The following ITSN2 variants were observed in gnomAD, a reference collection of about 807,000 sequenced individuals.
The protein encoded by ITSN2 is intersectin-2.
ITSN2 carries 156 observed loss-of-function variants against 243.7 expected under a neutral mutation model. That is an observed-to-expected ratio of 0.64 (90% confidence interval 0.56 to 0.73). The LOEUF (loss-of-function observed/expected upper bound fraction) is 0.73, where lower values mean the gene tolerates loss of function less well. ITSN2 is among the 30% of genes least tolerant of loss of function. ITSN2 has a pLI of 0.00. For missense variants in ITSN2, 1,801 were observed against 1,996.1 expected, an observed-to-expected ratio of 0.90 and a Z score of 1.86; for synonymous variants, 703 against 699.9, an observed-to-expected ratio of 1.00 and a Z score of -0.07.
In ITSN2 at chr2:24,303,863, C is replaced by A; in HGVS notation, c.794-1G>T. Reference sequence around the variant, plus strand: ...AGAAGGGCATTTCTAGCTTGAAAACCTGATTAAGTGGGGAAAATCATAAAG... The same window carrying A: ...AGAAGGGCATTTCTAGCTTGAAAACATGATTAAGTGGGGAAAATCATAAAG... On this transcript the variant is annotated splice_acceptor_variant, in intron 8 of 39. Coordinates refer to ENST00000355123, the MANE Select transcript of ITSN2 (RefSeq NM_006277.3). LOFTEE classifies it high-confidence loss of function. The A allele has an allele frequency of 6.3e-7, 1 of 1,598,442 alleles. No individual in the cohort carries two copies. The highest frequency in any genetic ancestry group is 8.6e-7 in the Non-Finnish European group (1 of 1,165,824).
Position 24,254,356 on chromosome 2 carries a change from C to T in ITSN2, c.2953+11G>A. 2.5e-6 allele frequency: 4 copies of T among 1,602,492 alleles called. No individual in the cohort carries two copies. Among genetic ancestry groups the T allele is most frequent in the Non-Finnish European group, 3.4e-6 (4 of 1,170,026 alleles). On this transcript the variant is annotated intron_variant, in intron 24 of 39. Transcript: ENST00000355123. The stretch of plus-strand genomic sequence containing the variant: ...GATTACCATCTAATTTACAAATTGC[C>T]AAAAGCTTACCTTCTCCAACTGAAT...
chr2:24,300,109 G>T lies in ITSN2; in HGVS notation c.1144C>A (p.Arg382Ser). Residue 382 changes from arginine (R) to serine (S), a missense_variant, in exon 12 of 40, where the codon CGC becomes AGC. This residue lies in a region of ITSN2 where 787 missense variants were observed against 803.9 expected (regional missense o/e 0.98). Coordinates refer to ENST00000355123, the MANE Select transcript of ITSN2 (RefSeq NM_006277.3). The stretch of plus-strand genomic sequence containing the variant: ...TGTTGCTGCTCCATCAAGGCTTGGC[G>T]TCGCTTTTCCAGCTCCATGTTCCCT... ...ERGNMELEKR[R>S]QALMEQQQRE... 1 of 1,614,074 alleles carries T rather than the reference G, an allele frequency of 6.2e-7. No individual in the cohort carries two copies. The highest frequency in any genetic ancestry group is 8.5e-7 in the Non-Finnish European group (1 of 1,180,020).
intron 17 of ITSN2, among the ~76,000 whole-genome samples, chr2:24,282,614 C>T (rs747897904): frequency 1.1e-4 from 17 of 152,160 alleles, no homozygotes; most frequent in Non-Finnish European, 2.5e-4. Flanking sequence ...CCCACTGGGG[C>T]TTCAGCTGTA....
At chr2:24,251,309 CA>C (rs1553355845) in intron 25 of ITSN2, among the ~76,000 whole-genome samples, 1 of 22,016 alleles carries the variant, frequency 4.5e-5, no homozygotes, top group African/African-American at 2.9e-4. Flanking sequence ...AACTCCATCT[CA>C]AAAAAAAAAA....
At chr2:24,296,685 C>A (rs919929845) in intron 13 of ITSN2, among the ~76,000 whole-genome samples, 2 of 152,166 alleles carry the variant, frequency 1.3e-5, no homozygotes, top group African/African-American at 4.8e-5. Context: ...ATCTTAGGAG[C>A]TGTGAAAAAA....
chr2:24,350,366 T>C (rs903451788), intron 1 of ITSN2, among the ~76,000 whole-genome samples: 1 of 152,190 alleles, frequency 6.6e-6, no homozygotes, highest in African/African-American at 2.4e-5. Context: ...CCCACATACA[T>C]TGCTGGTGGG....
chr2:24,245,041 A>C (rs1673169196), intron 29 of ITSN2, among the ~76,000 whole-genome samples: 1 of 152,232 alleles, frequency 6.6e-6, no homozygotes, highest in African/African-American at 2.4e-5. Flanking sequence ...ATATCATGAG[A>C]TATTTTAAAA....
chr2:24,228,699 C>T (rs1002816041), intron 29 of ITSN2, among the ~76,000 whole-genome samples: 2 of 152,048 alleles, frequency 1.3e-5, no homozygotes, highest in African/African-American at 4.8e-5. Context: ...ATAAAAGAAA[C>T]AAAGAAACTT....
chr2:24,243,951 G>C (rs1291516919), intron 29 of ITSN2, among the ~76,000 whole-genome samples: 1 of 152,176 alleles, frequency 6.6e-6, no homozygotes, highest in Non-Finnish European at 1.5e-5. Context: ...TTGGAGAGTG[G>C]AGATATAGAC....
At chr2:24,313,164 G>A (rs1457513015) in intron 4 of ITSN2, among the ~76,000 whole-genome samples, 1 of 146,826 alleles carries the variant, frequency 6.8e-6, no homozygotes, top group Non-Finnish European at 1.5e-5. Flanking sequence ...GTTCACTGCA[G>A]CACTGAATTC....
At chr2:24,286,080 T>C in intron 16 of ITSN2, 132 bp downstream of exon 16, 1 of 591,588 alleles carries the variant, frequency 1.7e-6, no homozygotes, top group Non-Finnish European at 2.9e-6. Flanking sequence ...GAAATTCTTG[T>C]ATAGTTGAAA....
intron 1 of ITSN2, among the ~76,000 whole-genome samples, chr2:24,354,039 T>G (rs926912065): frequency 2.0e-5 from 3 of 152,266 alleles, no homozygotes; most frequent in African/African-American, 7.2e-5. Flanking sequence ...TACATTTTGA[T>G]ATAAATGTGC....
intron 14 of ITSN2, among the ~76,000 whole-genome samples, chr2:24,294,582 C>T (rs941121542): frequency 1.3e-5 from 2 of 152,086 alleles, no homozygotes; most frequent in East Asian, 3.9e-4. Context: ...AGAATGCTTC[C>T]ACAGCCCCAT....
At chr2:24,334,252 T>G (rs1412319409) in intron 1 of ITSN2, among the ~76,000 whole-genome samples, 1 of 152,000 alleles carries the variant, frequency 6.6e-6, no homozygotes, top group Non-Finnish European at 1.5e-5. Context: ...AGAGAGGAGG[T>G]TTCGCCATGT....
At chr2:24,360,766 C>T (rs912927623), upstream of ITSN2, 1 of 152,924 alleles carries the variant, frequency 6.5e-6, no homozygotes, top group Non-Finnish European at 1.5e-5. Context: ...GGCAGCCCTT[C>T]CTGGAGTTGC....
At chr2:24,334,906 AC>A (rs1686183719) in intron 1 of ITSN2, 2 of 436,582 alleles carry the variant, frequency 4.6e-6, no homozygotes, top group Admixed American at 3.5e-5. Context: ...TACTAAAAAT[AC>A]AAAAAATTAG....
chr2:24,259,021 C>T (rs950938571), intron 22 of ITSN2, among the ~76,000 whole-genome samples: 1 of 152,166 alleles, frequency 6.6e-6, no homozygotes, highest in African/African-American at 2.4e-5. Flanking sequence ...CCTATATTTT[C>T]AGTGTAATTT....
rs79778333 is a variant in ITSN2, at chr2:24,206,231, G to T, written c.4679-934C>A. The T allele has an allele frequency of 2.3e-3, 964 of 411,674 alleles. 10 individuals are homozygous for T. The highest frequency in any genetic ancestry group is 0.019 in the African/African-American group (888 of 46,318). 25.5% of individuals were successfully genotyped at this position (411,674 alleles called of 1,614,324 possible). On this transcript the variant is annotated intron_variant, in intron 37 of 39. Coordinates refer to ENST00000355123, the MANE Select transcript of ITSN2 (RefSeq NM_006277.3). Reference sequence around the variant, plus strand: ...AAATAACACTAAATTAGCAAAAGCTGTTTTAAACATACCTTTTAGGAGTAT... The same window carrying T: ...AAATAACACTAAATTAGCAAAAGCTTTTTTAAACATACCTTTTAGGAGTAT...
At chr2:24,231,330 G>A (rs111350694) in intron 29 of ITSN2, among the ~76,000 whole-genome samples, 3 of 152,294 alleles carry the variant, frequency 2.0e-5, no homozygotes, top group East Asian at 1.9e-4. Flanking sequence ...GGAGGGCTTC[G>A]ATAAGCATTT....
Sources: gnomAD v4.1 joint callset for allele counts (sites outside exome capture counted in the v4.1 genomes callset) on GRCh38, gnomAD v4.1.1 for gene constraint, gnomAD v4.1.1 regional missense constraint, MANE v1.5 for transcripts, NCBI Gene and HGNC (gene_info 2026-07-23, HGNC 2026-07-21) for gene names.